The following B3GALT5 variants were observed in gnomAD, a reference collection of about 807,000 sequenced individuals.
B3GALT5 encodes beta-1,3-galactosyltransferase 5, also known as UDP-Gal:betaGlcNAc beta 1,3-galactosyltransferase, polypeptide 5.
For synonymous variants in B3GALT5, 156 were observed against 158.6 expected (o/e 0.98, Z 0.12); for missense variants, 328 against 396.6 (o/e 0.83, Z 1.47).
Position 39,665,973 on chromosome 21 carries a change from A to G in B3GALT5, c.*4481A>G, listed in dbSNP as rs2079574278. ...GGTCCCAGCACATAGTAGATGCTCA[A>G]TAAACATTTGTTGAGTGGAACTGAA... is the stretch of plus-strand genomic sequence containing the variant. On this transcript the variant is annotated 3_prime_UTR_variant, in exon 4 of 4. Coordinates refer to ENST00000684187, the MANE Select transcript of B3GALT5 (RefSeq NM_001356336.2). 2 of 152,242 alleles carry G rather than the reference A, an allele frequency of 1.3e-5. No individual in the cohort carries two copies. Among genetic ancestry groups the G allele is most frequent in the South Asian group, 4.1e-4 (2 of 4,830 alleles). 9.4% of individuals were successfully genotyped at this position (152,242 alleles called of 1,614,324 possible). A position where few individuals can be genotyped will look rare whatever the true frequency, so the allele number is the denominator to read the frequency against.
chr21:39,640,914 A>G (rs1187770744), intron 1 of B3GALT5, among the ~76,000 whole-genome samples: 1 of 151,748 alleles, frequency 6.6e-6, no homozygotes, highest in Admixed American at 6.6e-5. Flanking sequence ...TATTTTTTCT[A>G]TTTTTTGTAG....
Position 39,660,668 on chromosome 21 carries a change from G to C in B3GALT5, c.109G>C (p.Val37Leu), listed in dbSNP as rs762902894. 1 of 1,552,630 alleles carries C rather than the reference G, an allele frequency of 6.4e-7. No individual in the cohort carries two copies. The highest frequency in any genetic ancestry group is 8.7e-7 in the Non-Finnish European group (1 of 1,151,768). The part of the protein sequence containing the change: ...SLNPFKEQSF[V>L]YKKDGNFLKL... ...AAATCCTTTCAAAGAACAGTCCTTTGTTTACAAGAAAGACGGGAACTTCCT... is the reference window on the plus strand; with the variant it reads ...AAATCCTTTCAAAGAACAGTCCTTTCTTTACAAGAAAGACGGGAACTTCCT... Residue 37 changes from valine (V) to leucine (L), a missense_variant, in exon 4 of 4, where the codon GTT becomes CTT. Physicochemically the swap from Val to Leu is conservative, Grantham distance 32. Transcript: ENST00000684187.
rs2079554118 is a variant in B3GALT5 at position 39,663,961 on chromosome 21, C to G, written c.*2469C>G. ...AATGGAGAGGTCCAGGTTGGCCGGG[C>G]CGGGGCTTCACCGCAGGCACCCAGA... On this transcript the variant is annotated 3_prime_UTR_variant, in exon 4 of 4. Transcript: ENST00000684187. 6.6e-6 allele frequency: 1 copy of G among 152,562 alleles called. No individual in the cohort carries two copies. Among genetic ancestry groups the G allele is most frequent in the Non-Finnish European group, 1.5e-5 (1 of 68,326 alleles). The allele number at this position is 152,562 out of a possible 1,614,324, so 9.5% of individuals were successfully genotyped here.
chr21:39,613,363 A>G (rs2079090812), intron 1 of B3GALT5, among the ~76,000 whole-genome samples: 2 of 152,202 alleles, frequency 1.3e-5, no homozygotes, highest in African/African-American at 4.8e-5. Context: ...TGCGGACACA[A>G]GACTTAGGGA....
intron 1 of B3GALT5, among the ~76,000 whole-genome samples, chr21:39,618,331 T>C (rs748670993): frequency 6.6e-6 from 1 of 152,192 alleles, no homozygotes; most frequent in Non-Finnish European, 1.5e-5. Context: ...AAAAGATGCA[T>C]TGGGTGAAAA....
chr21:39,636,654 C>T (rs1602268660), intron 1 of B3GALT5, among the ~76,000 whole-genome samples: 1 of 152,080 alleles, frequency 6.6e-6, no homozygotes, highest in Admixed American at 6.5e-5. Context: ...CCCTGTTTTC[C>T]ACGAGTCCTT....
intron 2 of B3GALT5, among the ~76,000 whole-genome samples, chr21:39,654,280 C>A (rs925189872): frequency 1.3e-5 from 2 of 152,162 alleles, no homozygotes; most frequent in African/African-American, 4.8e-5. Flanking sequence ...TAGGGTTTTG[C>A]CATGTTGGCC....
chr21:39,642,421 A>T (rs2079297237), intron 1 of B3GALT5, among the ~76,000 whole-genome samples: 2 of 152,244 alleles, frequency 1.3e-5, no homozygotes, highest in Non-Finnish European at 2.9e-5. Flanking sequence ...GGCTGAGCTG[A>T]GAAGGCATGG....
intron 2 of B3GALT5, among the ~76,000 whole-genome samples, chr21:39,650,271 G>A (rs2079382413): frequency 6.6e-6 from 1 of 152,198 alleles, no homozygotes; most frequent in Non-Finnish European, 1.5e-5. Context: ...CTTTGTTAAA[G>A]TCCTGCCTCA....
chr21:39,651,775 G>GTTT lies in B3GALT5; in HGVS notation c.-161+5159_-161+5161dup, dbSNP rs5843973. Among the ~76,000 whole-genome samples, 145 of 152,004 alleles carry GTTT rather than the reference G, an allele frequency of 9.5e-4. 1 individual carries two copies. Among genetic ancestry groups the GTTT allele is most frequent in the African/African-American group, 3.2e-3 (131 of 41,444 alleles). On this transcript the variant is annotated intron_variant, in intron 2 of 3. Transcript: ENST00000684187. The stretch of plus-strand genomic sequence containing the variant: ...TAGTCCTGCCTGCAAAGTTAAGGCA[G>GTTT]TTTTTTTTATCAGATCTAGAGCTGG...
chr21:39,617,959 G>A (rs758712243), intron 1 of B3GALT5, among the ~76,000 whole-genome samples: 5 of 151,698 alleles, frequency 3.3e-5, no homozygotes, highest in Admixed American at 1.3e-4. Context: ...GCAACATAGC[G>A]AATCCTCATC....
At chr21:39,644,807 T>C (rs925647824) in intron 1 of B3GALT5, among the ~76,000 whole-genome samples, 2 of 152,126 alleles carry the variant, frequency 1.3e-5, no homozygotes, top group African/African-American at 4.8e-5. Context: ...AAAAAATGAT[T>C]TGCTAAGATT....
intron 1 of B3GALT5, among the ~76,000 whole-genome samples, chr21:39,639,354 C>CTT (rs1569212207): frequency 8.6e-6 from 1 of 115,790 alleles, no homozygotes; most frequent in Non-Finnish European, 1.8e-5. Context: ...TTCTTTCCTT[C>CTT]CTTCCTTCCT....
chr21:39,637,552 C>T (rs1279548683), intron 1 of B3GALT5, among the ~76,000 whole-genome samples: 1 of 152,234 alleles, frequency 6.6e-6, no homozygotes, highest in East Asian at 1.9e-4. Context: ...GTCAGTCCTG[C>T]TGTGTTCTGT....
chr21:39,638,449 G>C lies in B3GALT5; in HGVS notation c.-391-7943G>C, dbSNP rs569722746. ...TGCGGAGGCGGGCTAGGGCAGTCGG[G>C]GGAGAGCCCAGGCCGTTGAGCAGCC... On this transcript the variant is annotated intron_variant, in intron 1 of 3. Transcript: ENST00000684187. Among the ~76,000 whole-genome samples, 64 of 152,298 alleles carry C rather than the reference G, an allele frequency of 4.2e-4. 1 individual carries two copies. The highest frequency in any genetic ancestry group is 1.5e-3 in the African/African-American group (62 of 41,568).
intron 1 of B3GALT5, among the ~76,000 whole-genome samples, chr21:39,621,635 A>G (rs558054750): frequency 2.0e-5 from 3 of 152,178 alleles, no homozygotes; most frequent in Admixed American, 6.5e-5. Flanking sequence ...TTCCTTTTCA[A>G]TGAACTACAT....
In B3GALT5 at chr21:39,657,194, A is replaced by C. The variant is rs1356220389; in HGVS notation, c.-160-2559A>C. On this transcript the variant is annotated intron_variant, in intron 2 of 3. Transcript: ENST00000684187. ...AGGTGTCAACTTGGCTGGATTAATAAATACCTAGAGAACTGGTAAAGCATT... is the reference window on the plus strand; with the variant it reads ...AGGTGTCAACTTGGCTGGATTAATACATACCTAGAGAACTGGTAAAGCATT... The C allele has an allele frequency of 4.6e-5, 7 of 152,280 alleles. No individual in the cohort carries two copies. The East Asian group carries it at 1.3e-3, about 29-fold the overall frequency. 9.4% of individuals were successfully genotyped at this position (152,280 alleles called of 1,614,324 possible).
In B3GALT5 at chr21:39,661,454, C is replaced by G. The variant is rs768323326; in HGVS notation, c.895C>G (p.Leu299Val). Reference protein sequence around the residue: ...PRTLLDYWQALENSRGEDCPP... With the variant: ...PRTLLDYWQAVENSRGEDCPP... ...GACTCTCTTGGACTACTGGCAGGCTCTAGAGAATTCCCGGGGGGAAGATTG... is the reference window on the plus strand; with the variant it reads ...GACTCTCTTGGACTACTGGCAGGCTGTAGAGAATTCCCGGGGGGAAGATTG... The change falls in exon 4 of 4, where the codon CTA becomes GTA. Residue 299 changes from leucine to valine, a missense_variant. Coordinates refer to ENST00000684187, the MANE Select transcript of B3GALT5 (RefSeq NM_001356336.2). The surrounding 1 kb of genome is among the most constrained non-coding windows in gnomAD (Gnocchi z 4.7). 6.6e-7 allele frequency: 1 copy of G among 1,515,726 alleles called. No homozygotes were observed. Among genetic ancestry groups the G allele is most frequent in the Admixed American group, 2.3e-5 (1 of 44,076 alleles). The allele number at this position is 1,515,726 out of a possible 1,614,324, so 93.9% of individuals were successfully genotyped here. A position where few individuals can be genotyped will look rare whatever the true frequency, so the allele number is the denominator to read the frequency against.
intron 1 of B3GALT5, among the ~76,000 whole-genome samples, chr21:39,616,676 G>A (rs909223074): frequency 1.3e-5 from 2 of 152,068 alleles, no homozygotes; most frequent in South Asian, 2.1e-4. Flanking sequence ...TGTGAACATC[G>A]TTTCCTTCCC....
Sources: allele counts gnomAD v4.1 joint callset (sites outside exome capture counted in the v4.1 genomes callset), GRCh38; gene constraint gnomAD v4.1.1; non-coding constraint Gnocchi (gnomAD v3.1); transcripts MANE v1.5; gene names NCBI Gene and HGNC (gene_info 2026-07-23, HGNC 2026-07-21).